NBEA: variants seen among roughly 807,000 people sequenced by gnomAD.
NBEA encodes lysosomal-trafficking regulator 2.
A neutral mutation model predicts 343.4 loss-of-function variants in NBEA; 44 were observed. The observed-to-expected ratio is 0.13, with a 90% CI of 0.10 to 0.16. NBEA has a LOEUF of 0.16. Among genes scored for constraint, NBEA ranks in the 10% least tolerant of loss-of-function variants. The pLI, the probability that NBEA is intolerant of heterozygous loss-of-function variation, is 1.00. For synonymous variants in NBEA, 1,175 were observed against 1,238.7 expected (o/e 0.95, Z 1.08); for missense variants, 2,555 against 3,631.3 (o/e 0.70, Z 7.62).
intron 39 of NBEA, among the ~76,000 whole-genome samples, chr13:35,437,284 A>G (rs938512900): frequency 1.3e-5 from 2 of 152,180 alleles, no homozygotes; most frequent in Admixed American, 1.3e-4. Flanking sequence ...TATATTGGCA[A>G]TGCTTTCTTT....
At chr13:35,044,174 T>A (rs1473125991) in intron 2 of NBEA, among the ~76,000 whole-genome samples, 1 of 152,126 alleles carries the variant, frequency 6.6e-6, no homozygotes, top group East Asian at 1.9e-4. Flanking sequence ...TATTAATGTG[T>A]TTAAATTACA....
At chr13:35,638,738 T>C (rs2083809896) in intron 49 of NBEA, among the ~76,000 whole-genome samples, 1 of 152,248 alleles carries the variant, frequency 6.6e-6, no homozygotes, top group African/African-American at 2.4e-5. Context: ...AGTTGACTTA[T>C]ACTTATTTTA....
At position 35,019,026 on chromosome 13, in the gene NBEA, T is replaced by A. The variant is rs73487666; in HGVS notation, c.295-21907T>A. 6.3e-3 allele frequency among the ~76,000 whole-genome samples: 965 copies of A among 152,062 alleles called. 11 individuals are homozygous for A. The highest frequency in any genetic ancestry group is 0.022 in the African/African-American group (924 of 41,530). On this transcript the variant is annotated intron_variant, in intron 1 of 58. Coordinates refer to ENST00000379939, the MANE Select transcript of NBEA (RefSeq NM_001385012.1). ...ATGTGGCTTTTCATTTTTAGTCAGC[T>A]GATATGGGGAATTATGTCATTTGAG...
At position 35,200,667 on chromosome 13, in the gene NBEA, C is replaced by G. The variant is rs537343318; in HGVS notation, c.5366+4365C>G. 3.3e-5 allele frequency among the ~76,000 whole-genome samples: 5 copies of G among 151,952 alleles called. 1 individual carries two copies. In the South Asian group the frequency reaches 1.0e-3, roughly 31 times the overall value. ...ACTGGGTTTGATATATTCAGGGAAA[C>G]TAGTAGGTATTTTTTCCTCAAAATT... On this transcript the variant is annotated intron_variant, in intron 31 of 58. Transcript: ENST00000379939.
At chr13:35,460,908 T>C (rs1481312756) in intron 40 of NBEA, among the ~76,000 whole-genome samples, 1 of 152,180 alleles carries the variant, frequency 6.6e-6, no homozygotes, top group East Asian at 1.9e-4. Flanking sequence ...TTCTTGCTGG[T>C]AGGGACTCTC....
At chr13:35,088,302 A>G (rs1017350192) in intron 10 of NBEA, among the ~76,000 whole-genome samples, 1 of 151,932 alleles carries the variant, frequency 6.6e-6, no homozygotes, top group Admixed American at 6.6e-5. Flanking sequence ...TATAATTAGG[A>G]AAACTCAATA....
chr13:35,053,069 G>A (rs1421946319), intron 6 of NBEA, among the ~76,000 whole-genome samples: 2 of 151,988 alleles, frequency 1.3e-5, no homozygotes, highest in African/African-American at 2.4e-5. Flanking sequence ...GCAGCTTATG[G>A]TGTCTTACCT....
At chr13:35,207,612 A>G (rs113155975) in intron 31 of NBEA, among the ~76,000 whole-genome samples, 4 of 152,146 alleles carry the variant, frequency 2.6e-5, no homozygotes, top group African/African-American at 9.7e-5. Context: ...ACTAATATCC[A>G]TATTTATTTG....
intron 24 of NBEA, 97 bp from the exon 25 acceptor site, chr13:35,168,890 T>A: frequency 1.2e-6 from 1 of 816,868 alleles, no homozygotes; most frequent in East Asian, 3.2e-5. Flanking sequence ...ATATATTATT[T>A]TGTGTTTCAA....
chr13:35,656,060 T>C (rs1195482807), intron 55 of NBEA, among the ~76,000 whole-genome samples: 1 of 152,170 alleles, frequency 6.6e-6, no homozygotes, highest in Non-Finnish European at 1.5e-5. Flanking sequence ...CCATTAAACC[T>C]CATATTATTT....
At chr13:35,034,774 G>A (rs1342930090) in intron 1 of NBEA, among the ~76,000 whole-genome samples, 1 of 151,720 alleles carries the variant, frequency 6.6e-6, no homozygotes, top group Non-Finnish European at 1.5e-5. Flanking sequence ...TGTATGTGTG[G>A]AGCAATTCAT....
intron 34 of NBEA, among the ~76,000 whole-genome samples, chr13:35,268,634 T>A (rs1356203399): frequency 1.3e-5 from 2 of 152,002 alleles, no homozygotes; most frequent in Non-Finnish European, 2.9e-5. Flanking sequence ...TTGCAAAAAA[T>A]CTTGAAAACT....
intron 35 of NBEA, among the ~76,000 whole-genome samples, chr13:35,306,173 T>A (rs1348093755): frequency 6.6e-6 from 1 of 152,150 alleles, no homozygotes; most frequent in Non-Finnish European, 1.5e-5. Context: ...TTATATAAAC[T>A]TTTATTTTTT....
intron 43 of NBEA, among the ~76,000 whole-genome samples, chr13:35,553,888 T>C (rs2079461533): frequency 6.6e-6 from 1 of 152,162 alleles, no homozygotes; most frequent in South Asian, 2.1e-4. Context: ...CTTAGAATGA[T>C]TAGATAGGGC....
chr13:35,409,939 A>G lies in NBEA; in HGVS notation c.6180-22330A>G, dbSNP rs550222626. 3.9e-5 allele frequency among the ~76,000 whole-genome samples: 6 copies of G among 152,248 alleles called. No homozygotes were observed. In the South Asian group the frequency reaches 1.2e-3, roughly 32 times the overall value. The stretch of plus-strand genomic sequence containing the variant: ...TTTCTAATTATTAAGTATAGGTTAT[A>G]CCATCTAACCTATACTTTAATTATA... On this transcript the variant is annotated intron_variant, in intron 38 of 58. Coordinates refer to ENST00000379939, the MANE Select transcript of NBEA (RefSeq NM_001385012.1).
chr13:35,515,140 A>G (rs2077433923), intron 41 of NBEA, among the ~76,000 whole-genome samples: 1 of 152,228 alleles, frequency 6.6e-6, no homozygotes, highest in Non-Finnish European at 1.5e-5. Flanking sequence ...TTATTAAGCA[A>G]TTTCACGAGA....
intron 30 of NBEA, among the ~76,000 whole-genome samples, chr13:35,192,097 C>T (rs185261573): frequency 8.9e-4 from 135 of 152,172 alleles, no homozygotes; most frequent in African/African-American, 2.7e-3. Flanking sequence ...CTGACATTGC[C>T]TGTTGCTACA....
At chr13:35,356,229 G>T (rs902026181) in intron 38 of NBEA, among the ~76,000 whole-genome samples, 2 of 152,032 alleles carry the variant, frequency 1.3e-5, no homozygotes, top group African/African-American at 2.4e-5. Flanking sequence ...ACTTATCCCT[G>T]CATGAAACCA....
At chr13:35,484,433 T>G (rs996485949) in intron 41 of NBEA, among the ~76,000 whole-genome samples, 1 of 151,976 alleles carries the variant, frequency 6.6e-6, no homozygotes, top group African/African-American at 2.4e-5. Flanking sequence ...TTGTTTTTTG[T>G]TTTTTACTGG....
Sources: gnomAD v4.1 joint callset for allele counts (sites outside exome capture counted in the v4.1 genomes callset) on GRCh38, gnomAD v4.1.1 for gene constraint, MANE v1.5 for transcripts, NCBI Gene and HGNC (gene_info 2026-07-23, HGNC 2026-07-21) for gene names.